Variants in HSD11B1 observed in about 807,000 individuals in gnomAD.
HSD11B1 encodes hydroxysteroid 11-beta dehydrogenase 1.
HSD11B1 carries 15 observed loss-of-function variants against 22.1 expected under a neutral mutation model. The ratio of observed to expected loss-of-function variants is 0.68; its 90% CI spans 0.45 to 1.04. The LOEUF is 1.04. HSD11B1 is among the 50% of genes least tolerant of loss of function. The pLI, the probability that HSD11B1 is intolerant of heterozygous loss-of-function variation, is 0.00. For synonymous variants in HSD11B1, 122 were observed against 125.2 expected (o/e 0.97, Z 0.17); for missense variants, 281 against 357.6 (o/e 0.79, Z 1.73).
intron 1 of HSD11B1, among the ~76,000 whole-genome samples, chr1:209,695,801 G>A (rs1001672196): frequency 3.3e-5 from 5 of 151,988 alleles, no homozygotes; most frequent in Admixed American, 6.6e-5. Context: ...GTGAGACTCC[G>A]TCTCAAAAAA....
At chr1:209,689,816 T>C (rs1046382615) in intron 1 of HSD11B1, among the ~76,000 whole-genome samples, 1 of 152,116 alleles carries the variant, frequency 6.6e-6, no homozygotes, top group Non-Finnish European at 1.5e-5. Flanking sequence ...TAAAAACTAC[T>C]CAGCTTCAGG....
chr1:209,696,213 C>T (rs1003385389), intron 1 of HSD11B1, among the ~76,000 whole-genome samples: 5 of 152,156 alleles, frequency 3.3e-5, no homozygotes, highest in African/African-American at 9.7e-5. Flanking sequence ...CAGGGAGTGA[C>T]TGTAAATGGG....
chr1:209,720,969 C>A (rs2076961471), intron 4 of HSD11B1, among the ~76,000 whole-genome samples: 2 of 152,084 alleles, frequency 1.3e-5, no homozygotes, highest in Non-Finnish European at 1.5e-5. Flanking sequence ...TAATCCACTG[C>A]CAAATGTCCT....
At chr1:209,714,521 G>T (rs1443481400) in intron 4 of HSD11B1, among the ~76,000 whole-genome samples, 2 of 152,056 alleles carry the variant, frequency 1.3e-5, no homozygotes, top group African/African-American at 4.8e-5. Flanking sequence ...TGGATTTCTG[G>T]CTTCATGTCT....
chr1:209,705,125 A>C, intron 1 of HSD11B1, 95 bp downstream of exon 1: 1 of 996,244 alleles, frequency 1.0e-6, no homozygotes, highest in South Asian at 1.3e-5. Flanking sequence ...CTTGATCCTC[A>C]AAGTTGGTGA....
Position 209,698,167 on chromosome 1 carries a change from TTAGATAGATAGATAGATAGA to T in HSD11B1, c.-48-6696_-48-6677del, listed in dbSNP as rs3059689. 2.2e-3 allele frequency among the ~76,000 whole-genome samples: 322 copies of T among 146,700 alleles called. 1 individual carries two copies. The highest frequency in any genetic ancestry group is 3.4e-3 in the Middle Eastern group (1 of 294). On this transcript the variant is annotated intron_variant, in intron 1 of 6. Transcript: ENST00000261465. The stretch of plus-strand genomic sequence containing the variant: ...AGGATAGGTAGATAAGATAGATAGA[TTAGATAGATAGATAGATAGA>T]TAGATAGATAGATAGATAGATAGAT...
upstream of HSD11B1, among the ~76,000 whole-genome samples, chr1:209,702,280 A>G (rs912450568): frequency 3.9e-5 from 6 of 152,274 alleles, no homozygotes; most frequent in Non-Finnish European, 7.3e-5. Flanking sequence ...ACCAGGCTCC[A>G]GGAAGACAGC....
chr1:209,706,740 C>G lies in HSD11B1; in HGVS notation c.251C>G (p.Ala84Gly), dbSNP rs1451013764. ...TCCCACTGCCTGGAGCTTGGAGCAG[C>G]CTCAGCACACTACATTGCTGGCACC... Reference protein sequence around the residue: ...VVSHCLELGAASAHYIAGTME... With the variant: ...VVSHCLELGAGSAHYIAGTME... The change falls in exon 3 of 6, where the codon GCC becomes GGC. Residue 84 changes from alanine to glycine, a missense_variant. Transcript: ENST00000367027. This position sits in a 1 kb window ranked among gnomAD's most constrained non-coding sequence, Gnocchi z 4.0. 6.2e-7 allele frequency: 1 copy of G among 1,613,960 alleles called. No homozygotes were observed. Among genetic ancestry groups the G allele is most frequent in the Non-Finnish European group, 8.5e-7 (1 of 1,179,928 alleles).
chr1:209,721,770 G>A (rs977895198), intron 4 of HSD11B1, among the ~76,000 whole-genome samples: 1 of 152,170 alleles, frequency 6.6e-6, no homozygotes, highest in African/African-American at 2.4e-5. Flanking sequence ...ATCCACACTG[G>A]GCCTCTGGGA....
chr1:209,697,510 C>T (rs529595863), intron 1 of HSD11B1, among the ~76,000 whole-genome samples: 1 of 152,312 alleles, frequency 6.6e-6, no homozygotes, highest in East Asian at 1.9e-4. Flanking sequence ...TTACACATTT[C>T]ATTTATTTCC....
rs1425152004 is a variant in HSD11B1 at position 209,706,027 on chromosome 1, A to G, written c.219+86A>G. 4 of 1,558,750 alleles carry G rather than the reference A, an allele frequency of 2.6e-6. No individual in the cohort carries two copies. In the East Asian group the frequency reaches 6.8e-5, roughly 26 times the overall value. ...TGCTCACATATACACAGAAGCTAGC[A>G]TATCGCAGATCTATATACAGAGGCA... On this transcript the variant is annotated intron_variant, in intron 2 of 5. Transcript: ENST00000367027. This position sits in a 1 kb window ranked among gnomAD's most constrained non-coding sequence, Gnocchi z 4.0.
At chr1:209,704,213 A>G (rs2076842073), upstream of HSD11B1, among the ~76,000 whole-genome samples, 1 of 152,196 alleles carries the variant, frequency 6.6e-6, no homozygotes. Flanking sequence ...TGTTAAAATA[A>G]TAAGTGTATG....
At chr1:209,719,127 T>A (rs543810579) in intron 4 of HSD11B1, among the ~76,000 whole-genome samples, 1 of 151,974 alleles carries the variant, frequency 6.6e-6, no homozygotes, top group Non-Finnish European at 1.5e-5. Flanking sequence ...AAACACTGTA[T>A]GTTTCACTGT....
At chr1:209,687,582 C>T (rs927580158) in intron 1 of HSD11B1, among the ~76,000 whole-genome samples, 2 of 152,122 alleles carry the variant, frequency 1.3e-5, no homozygotes, top group African/African-American at 4.8e-5. Context: ...GGAATTGAAG[C>T]CAAGACAAGG....
chr1:209,694,168 C>A (rs1433768990), intron 1 of HSD11B1, among the ~76,000 whole-genome samples: 1 of 152,220 alleles, frequency 6.6e-6, no homozygotes, highest in Admixed American at 6.5e-5. Context: ...TCTCCCAATT[C>A]TATATCTTTA....
chr1:209,716,625 A>G (rs2076932060), intron 4 of HSD11B1, among the ~76,000 whole-genome samples: 3 of 152,194 alleles, frequency 2.0e-5, no homozygotes, highest in Admixed American at 6.5e-5. Context: ...AGCAAAAAGA[A>G]CAAAACTGCA....
At chr1:209,726,212 C>T (rs1260607084) in intron 4 of HSD11B1, among the ~76,000 whole-genome samples, 2 of 128,080 alleles carry the variant, frequency 1.6e-5, no homozygotes, top group African/African-American at 3.0e-5. Flanking sequence ...ACCCGGGAGG[C>T]GTAGGTTGCA....
At chr1:209,732,825 A>G (rs1238763286) in intron 5 of HSD11B1, among the ~76,000 whole-genome samples, 1 of 142,250 alleles carries the variant, frequency 7.0e-6, no homozygotes, top group Non-Finnish European at 1.5e-5. Context: ...ATTCCCACCT[A>G]TGAGTGAGAA....
upstream of HSD11B1, among the ~76,000 whole-genome samples, chr1:209,703,884 T>C (rs1419612937): frequency 6.6e-6 from 1 of 152,248 alleles, no homozygotes; most frequent in Non-Finnish European, 1.5e-5. Context: ...TCTTAAATTC[T>C]TTCTTTGAGG....
Sources: allele counts gnomAD v4.1 joint callset (sites outside exome capture counted in the v4.1 genomes callset), GRCh38; gene constraint gnomAD v4.1.1; non-coding constraint Gnocchi (gnomAD v3.1); transcripts MANE v1.5; gene names NCBI Gene and HGNC (gene_info 2026-07-23, HGNC 2026-07-21).